Variants in CAPZA2 observed in about 807,000 individuals in gnomAD.
CAPZA2 encodes F-actin-capping protein subunit alpha-2.
Under a neutral mutation model 44.0 loss-of-function variants are expected in CAPZA2, and 13 were observed. That is an observed-to-expected ratio of 0.30 (90% CI 0.19 to 0.47). The LOEUF is 0.47. CAPZA2 is among the 20% of genes least tolerant of loss of function. The probability of loss-of-function intolerance (pLI) is 1.00; values close to 1 mark genes in which losing one functional copy is unlikely to be tolerated. For missense variants in CAPZA2, 244 were observed against 338.6 expected (o/e 0.72, Z 2.19); for synonymous variants, 94 against 108.2 (o/e 0.87, Z 0.81).
intron 9 of CAPZA2, among the ~76,000 whole-genome samples, chr7:116,917,482 C>T (rs993332458): frequency 2.6e-5 from 4 of 152,162 alleles, no homozygotes; most frequent in African/African-American, 9.7e-5. Context: ...TGGTCTCGAT[C>T]TCCTGACCTC....
chr7:116,874,513 G>A (rs1210153594), intron 1 of CAPZA2: 1 of 152,234 alleles, frequency 6.6e-6, no homozygotes, highest in African/African-American at 2.4e-5. Flanking sequence ...TATACAATCT[G>A]AGGGCATCAG....
At chr7:116,881,074 A>G (rs925500611) in intron 1 of CAPZA2, among the ~76,000 whole-genome samples, 18 of 152,056 alleles carry the variant, frequency 1.2e-4, no homozygotes, top group African/African-American at 4.1e-4. Flanking sequence ...CATTACTTAC[A>G]TGGATATTTT....
At chr7:116,911,000 A>G (rs1316074136) in intron 7 of CAPZA2, among the ~76,000 whole-genome samples, 1 of 150,152 alleles carries the variant, frequency 6.7e-6, no homozygotes, top group Non-Finnish European at 1.5e-5. Context: ...CAAAAAAAAA[A>G]AAAAAAAAAA....
Position 116,910,328 on chromosome 7 carries a change from G to C in CAPZA2, c.585+17G>C, listed in dbSNP as rs1562963632. ...AAAATTCAGGTATGAAAAATAATTT[G>C]TTTACTGATCTTTAGATGATTCTGA... On this transcript the variant is annotated intron_variant, in intron 7 of 9. Coordinates refer to ENST00000361183, the MANE Select transcript of CAPZA2 (RefSeq NM_006136.3). 3 of 1,237,802 alleles carry C rather than the reference G, an allele frequency of 2.4e-6. No individual in the cohort carries two copies. In the South Asian group the frequency reaches 3.6e-5, roughly 15 times the overall value. 76.7% of individuals were successfully genotyped at this position (1,237,802 alleles called of 1,614,324 possible).
At chr7:116,872,547 T>A (rs1016206905) in intron 1 of CAPZA2, among the ~76,000 whole-genome samples, 1 of 152,208 alleles carries the variant, frequency 6.6e-6, no homozygotes, top group Non-Finnish European at 1.5e-5. Context: ...AGTTTACCCA[T>A]ATTAAGATAA....
chr7:116,899,946 A>T (rs775423211), intron 4 of CAPZA2, among the ~76,000 whole-genome samples: 1 of 151,698 alleles, frequency 6.6e-6, no homozygotes, highest in Non-Finnish European at 1.5e-5. Flanking sequence ...GGATTTAGAG[A>T]TATATCCAAA....
At chr7:116,899,467 T>C (rs1796967559) in intron 4 of CAPZA2, among the ~76,000 whole-genome samples, 1 of 151,826 alleles carries the variant, frequency 6.6e-6, no homozygotes, top group Non-Finnish European at 1.5e-5. Flanking sequence ...ATGTCAAAGC[T>C]TTTATTTGGC....
At chr7:116,897,843 A>G (rs951539879) in intron 3 of CAPZA2, among the ~76,000 whole-genome samples, 1 of 152,098 alleles carries the variant, frequency 6.6e-6, no homozygotes, top group African/African-American at 2.4e-5. Flanking sequence ...AACCTTAGCA[A>G]CTGCCTAACT....
chr7:116,886,180 A>G (rs143458625), intron 1 of CAPZA2: 130 of 154,960 alleles, frequency 8.4e-4, no homozygotes, highest in South Asian at 7.5e-3. Flanking sequence ...CAAAAATTCT[A>G]TGAGCTAGTT....
chr7:116,889,855 A>G (rs1796809198), intron 2 of CAPZA2, among the ~76,000 whole-genome samples: 1 of 152,268 alleles, frequency 6.6e-6, no homozygotes, highest in South Asian at 2.1e-4. Context: ...AATCTCATGT[A>G]GTGAACTAGG....
In CAPZA2 at chr7:116,919,480, C is replaced by A. The variant is rs1791733850; in HGVS notation, c.*1613C>A. On this transcript the variant is annotated 3_prime_UTR_variant, in exon 10 of 10. Transcript: ENST00000361183. ...TCTATCCCATGAAAGTCATCAATTT[C>A]CTATCTCTGTTCTAGTCTGGAATGC... The A allele has an allele frequency of 6.6e-6, 1 of 151,734 alleles. No homozygotes were observed. Among genetic ancestry groups the A allele is most frequent in the African/African-American group, 2.4e-5 (1 of 41,276 alleles). The allele number at this position is 151,734 out of a possible 1,614,324, so 9.4% of individuals were successfully genotyped here. A position where few individuals can be genotyped will look rare whatever the true frequency, so the allele number is the denominator to read the frequency against.
intron 4 of CAPZA2, among the ~76,000 whole-genome samples, chr7:116,902,917 T>C (rs1391783851): frequency 6.6e-6 from 1 of 152,142 alleles, no homozygotes; most frequent in Non-Finnish European, 1.5e-5. Flanking sequence ...CTTACTATGT[T>C]GCCCGGGCTG....
chr7:116,879,455 A>G (rs569303584), intron 1 of CAPZA2, among the ~76,000 whole-genome samples: 12 of 152,094 alleles, frequency 7.9e-5, no homozygotes, highest in South Asian at 4.1e-4. Context: ...ATGGAAGACA[A>G]TTTTTCCACA....
chr7:116,877,391 T>G (rs914207297), intron 1 of CAPZA2, among the ~76,000 whole-genome samples: 1 of 152,220 alleles, frequency 6.6e-6, no homozygotes, highest in Non-Finnish European at 1.5e-5. Context: ...GGCCAAATCA[T>G]GTATATGAAG....
intron 1 of CAPZA2, among the ~76,000 whole-genome samples, chr7:116,870,188 T>A (rs1796534260): frequency 1.3e-5 from 2 of 152,198 alleles, no homozygotes; most frequent in Admixed American, 1.3e-4. Context: ...GTAGATATAA[T>A]GCAAAACTAG....
rs766475550 is a variant in CAPZA2, at chr7:116,906,265, G to A, written c.429G>A (p.Val143=). ...KEHYPNGVCT[V]YGKKIDGQQT... is the part of the protein sequence containing the mutation. ...TGCTTATTTTCTTTGCCAATAAGGTGTATGGCAAAAAAATAGATGGACAGC... is the reference window on the plus strand; with the variant it reads ...TGCTTATTTTCTTTGCCAATAAGGTATATGGCAAAAAAATAGATGGACAGC... The change falls in exon 6 of 10, where the codon GTG becomes GTA. Residue 143 remains valine (V), a splice_region_variant and synonymous_variant. Coordinates refer to ENST00000361183, the MANE Select transcript of CAPZA2 (RefSeq NM_006136.3). The A allele has an allele frequency of 1.1e-5, 17 of 1,612,144 alleles. No individual in the cohort carries two copies. Among genetic ancestry groups the A allele is most frequent in the Non-Finnish European group, 1.4e-5 (17 of 1,179,620 alleles).
chr7:116,889,609 G>T (rs1796805415), intron 2 of CAPZA2, among the ~76,000 whole-genome samples: 1 of 150,390 alleles, frequency 6.6e-6, no homozygotes, highest in East Asian at 1.9e-4. Context: ...CCTCAGAAAA[G>T]ATTAGTTTTG....
chr7:116,906,528 G>A (rs1210889488), intron 6 of CAPZA2, 186 bp downstream of exon 6: 3 of 1,001,454 alleles, frequency 3.0e-6, no homozygotes, highest in Non-Finnish European at 4.1e-6. Flanking sequence ...TAAAGGTAGT[G>A]GTAAATCTGT....
intron 8 of CAPZA2, among the ~76,000 whole-genome samples, chr7:116,913,551 A>G (rs1408464780): frequency 6.6e-6 from 1 of 152,050 alleles, no homozygotes; most frequent in Non-Finnish European, 1.5e-5. Flanking sequence ...TCTCCACAGA[A>G]TTCTTTCACA....
Sources: gnomAD v4.1 joint callset for allele counts (sites outside exome capture counted in the v4.1 genomes callset) on GRCh38, gnomAD v4.1.1 for gene constraint, MANE v1.5 for transcripts, NCBI Gene and HGNC (gene_info 2026-07-23, HGNC 2026-07-21) for gene names.